ANXA10: variants seen among roughly 807,000 people sequenced by gnomAD.
ANXA10 encodes annexin 14.
ANXA10 carries 49 observed loss-of-function variants against 53.5 expected under a neutral mutation model. The ratio of observed to expected loss-of-function variants is 0.92; its 90% CI spans 0.73 to 1.16. The LOEUF (loss-of-function observed/expected upper bound fraction) is 1.16, where lower values mean the gene tolerates loss of function less well. Among genes scored for constraint, ANXA10 ranks in the 50% most tolerant of loss-of-function variants. ANXA10 has a pLI of 0.00. For missense variants in ANXA10, 393 were observed against 394.4 expected, an observed-to-expected ratio of 1.00 and a Z score of 0.03; for synonymous variants, 131 against 128.9, an observed-to-expected ratio of 1.02 and a Z score of -0.11.
At chr4:168,156,228 T>C (rs1731669532) in intron 3 of ANXA10, among the ~76,000 whole-genome samples, 1 of 42,552 alleles carries the variant, frequency 2.4e-5, no homozygotes, top group African/African-American at 8.9e-5. Flanking sequence ...TAATATGTAT[T>C]ATATTATATA....
chr4:168,116,974 TC>T (rs778881571), intron 1 of ANXA10, among the ~76,000 whole-genome samples: 20 of 122,788 alleles, frequency 1.6e-4, no homozygotes, highest in Non-Finnish European at 3.6e-4. Context: ...TTCACTAATA[TC>T]ATCAGCAAAT....
At chr4:168,156,030 T>C (rs1187426736) in intron 3 of ANXA10, among the ~76,000 whole-genome samples, 1 of 28,482 alleles carries the variant, frequency 3.5e-5, no homozygotes, top group Admixed American at 7.8e-4. Flanking sequence ...ATATATTATA[T>C]ATAGTATTAT....
intron 1 of ANXA10, among the ~76,000 whole-genome samples, chr4:168,117,380 A>T (rs1441735241): frequency 6.6e-6 from 1 of 152,240 alleles, no homozygotes; most frequent in East Asian, 1.9e-4. Context: ...CAACCTTAAG[A>T]TTAAATACAT....
At chr4:168,158,868 G>C (rs1014867930) in intron 3 of ANXA10, among the ~76,000 whole-genome samples, 2 of 152,164 alleles carry the variant, frequency 1.3e-5, no homozygotes, top group Non-Finnish European at 2.9e-5. Context: ...CCTGAAGATA[G>C]GTGTTTGGGT....
chr4:168,118,271 T>A (rs1236271552), intron 1 of ANXA10, among the ~76,000 whole-genome samples: 1 of 152,176 alleles, frequency 6.6e-6, no homozygotes, highest in African/African-American at 2.4e-5. Context: ...TTTCAAAAGA[T>A]TAAATATAAA....
chr4:168,134,739 C>T (rs1731209750), intron 2 of ANXA10, among the ~76,000 whole-genome samples: 1 of 152,102 alleles, frequency 6.6e-6, no homozygotes, highest in South Asian at 2.1e-4. Context: ...TCTCAGTAGC[C>T]ATTAATTTCT....
chr4:168,100,835 AC>A (rs1208498661), intron 1 of ANXA10, among the ~76,000 whole-genome samples: 5 of 151,966 alleles, frequency 3.3e-5, no homozygotes, highest in Admixed American at 6.6e-5. Flanking sequence ...AATTTGAATT[AC>A]CCTTCCCCCA....
intron 3 of ANXA10, among the ~76,000 whole-genome samples, chr4:168,155,189 A>G (rs1385887331): frequency 6.6e-6 from 1 of 150,614 alleles, no homozygotes. Flanking sequence ...AGCTCACCTC[A>G]CAACTACGCT....
chr4:168,103,653 T>C (rs867216101), intron 1 of ANXA10, among the ~76,000 whole-genome samples: 8 of 151,938 alleles, frequency 5.3e-5, no homozygotes, highest in Non-Finnish European at 7.4e-5. Flanking sequence ...GTATTCTGCA[T>C]TTCCACAAAT....
Position 168,115,806 on chromosome 4 carries a change from C to T in ANXA10, c.19-12278C>T, listed in dbSNP as rs548261038. 6.1e-4 allele frequency among the ~76,000 whole-genome samples: 93 copies of T among 152,090 alleles called. 1 individual carries two copies. Among genetic ancestry groups the T allele is most frequent in the Non-Finnish European group, 1.0e-3 (70 of 68,016 alleles). On this transcript the variant is annotated intron_variant, in intron 1 of 11. Coordinates refer to ENST00000359299, the MANE Select transcript of ANXA10 (RefSeq NM_007193.5). Reference sequence around the variant, plus strand: ...AACTTACTCAGCCTCATAGTCTTCTCGTGTGTGAAATAAGATTATCAGTCT... The same window carrying T: ...AACTTACTCAGCCTCATAGTCTTCTTGTGTGTGAAATAAGATTATCAGTCT...
intron 1 of ANXA10, among the ~76,000 whole-genome samples, chr4:168,095,257 G>T (rs1730523083): frequency 6.6e-6 from 1 of 151,882 alleles, no homozygotes; most frequent in Non-Finnish European, 1.5e-5. Context: ...GTCATCAGCT[G>T]ATCCCCCTTG....
At chr4:168,111,721 A>G (rs1046483150) in intron 1 of ANXA10, among the ~76,000 whole-genome samples, 3 of 152,252 alleles carry the variant, frequency 2.0e-5, no homozygotes, top group Admixed American at 1.3e-4. Flanking sequence ...TTCAAATAGT[A>G]TAATGCCTCC....
intron 1 of ANXA10, among the ~76,000 whole-genome samples, chr4:168,098,467 T>G (rs1730586972): frequency 6.6e-6 from 1 of 152,142 alleles, no homozygotes; most frequent in Non-Finnish European, 1.5e-5. Context: ...CTTCTATCAG[T>G]AGAAATTATT....
rs373518800 is a variant in ANXA10, at chr4:168,166,195, T to C, written c.480+869T>C. ...GCTCTATGATTGTCTGAAGAGCTAA[T>C]AAGTAGAAATCCAGAATTTGATTGA... On this transcript the variant is annotated intron_variant, in intron 6 of 11. Transcript: ENST00000359299. Among the ~76,000 whole-genome samples the C allele has an allele frequency of 5.9e-5, 9 of 152,284 alleles. No homozygotes were observed. The East Asian group carries it at 1.4e-3, about 23-fold the overall frequency.
chr4:168,112,537 A>T (rs944072402), intron 1 of ANXA10, among the ~76,000 whole-genome samples: 2 of 152,166 alleles, frequency 1.3e-5, no homozygotes, highest in South Asian at 2.1e-4. Flanking sequence ...TTTATGTCAG[A>T]GTTTTTTCAT....
intron 3 of ANXA10, among the ~76,000 whole-genome samples, chr4:168,144,678 A>G (rs556918286): frequency 2.3e-4 from 35 of 152,350 alleles, no homozygotes; most frequent in Non-Finnish European, 4.1e-4. Flanking sequence ...CACATAGTGT[A>G]CCCACAACAA....
chr4:168,157,299 G>T (rs918776497), intron 3 of ANXA10, among the ~76,000 whole-genome samples: 10 of 151,480 alleles, frequency 6.6e-5, no homozygotes, highest in Non-Finnish European at 7.4e-5. Flanking sequence ...ACAGAGTCTT[G>T]CTCTGTCTCC....
chr4:168,156,403 T>TTATATATACTATATAATATATTATATAG (rs1731683293), intron 3 of ANXA10, among the ~76,000 whole-genome samples: 1 of 89,698 alleles, frequency 1.1e-5, no homozygotes, highest in Non-Finnish European at 2.1e-5. Context: ...ATATTATATA[T>TTATATATACTATATAATATATTATATAG]TATATAGTAT....
At chr4:168,136,902 G>A (rs555419470) in intron 2 of ANXA10, among the ~76,000 whole-genome samples, 4 of 152,322 alleles carry the variant, frequency 2.6e-5, no homozygotes, top group Non-Finnish European at 4.4e-5. Flanking sequence ...ACATCCATGT[G>A]TTTCCATACA....
Sources: allele counts gnomAD v4.1 joint callset (sites outside exome capture counted in the v4.1 genomes callset), GRCh38; gene constraint gnomAD v4.1.1; transcripts MANE v1.5; gene names NCBI Gene and HGNC (gene_info 2026-07-23, HGNC 2026-07-21).